AGBL3: variants seen among roughly 807,000 people sequenced by gnomAD.
The protein encoded by AGBL3 is cytosolic carboxypeptidase 3.
Under a neutral mutation model 94.5 loss-of-function variants are expected in AGBL3, and 68 were observed. The observed-to-expected ratio is 0.72, with a 90% confidence interval of 0.59 to 0.88. AGBL3 has a LOEUF of 0.88. AGBL3 is among the 40% of genes least tolerant of loss of function. The pLI is 0.00. For missense variants in AGBL3, 934 were observed against 1,103.8 expected (o/e 0.85, Z 2.18); for synonymous variants, 354 against 370.7 (o/e 0.95, Z 0.52).
At position 135,000,328 on chromosome 7, in the gene AGBL3, T is replaced by A. The variant is rs184698525; in HGVS notation, c.310+6650T>A. Among the ~76,000 whole-genome samples the A allele has an allele frequency of 2.0e-5, 3 of 152,312 alleles. No individual in the cohort carries two copies. In the South Asian group the frequency reaches 6.2e-4, roughly 32 times the overall value. On this transcript the variant is annotated intron_variant, in intron 4 of 16. Coordinates refer to ENST00000436302, the MANE Select transcript of AGBL3 (RefSeq NM_178563.4). ...TTTCTGGAATAGATTAGCATTTGAA[T>A]TGGTAGATTCAGTAAAGAAGATCCA...
At chr7:135,012,690 T>A (rs181235382) in intron 4 of AGBL3, among the ~76,000 whole-genome samples, 127 of 152,162 alleles carry the variant, frequency 8.3e-4, no homozygotes, top group Non-Finnish European at 1.2e-3. Context: ...CCAATGAGGG[T>A]AAGGAAAGTC....
chr7:135,075,071 T>C (rs1310498434), intron 12 of AGBL3, among the ~76,000 whole-genome samples: 1 of 152,150 alleles, frequency 6.6e-6, no homozygotes, highest in Non-Finnish European at 1.5e-5. Context: ...AGGGACCCTG[T>C]TTTCTGTTTC....
intron 12 of AGBL3, among the ~76,000 whole-genome samples, chr7:135,067,681 G>C (rs1046373251): frequency 6.6e-6 from 1 of 152,206 alleles, no homozygotes; most frequent in African/African-American, 2.4e-5. Flanking sequence ...TGAGGGTCCT[G>C]ACTGTTAGAA....
At chr7:135,065,669 A>G (rs946132472) in intron 12 of AGBL3, among the ~76,000 whole-genome samples, 1 of 152,212 alleles carries the variant, frequency 6.6e-6, no homozygotes, top group Non-Finnish European at 1.5e-5. Flanking sequence ...AGGCAGGAGA[A>G]TCACTTGAGC....
intron 12 of AGBL3, among the ~76,000 whole-genome samples, chr7:135,060,367 T>C (rs1303890727): frequency 2.6e-5 from 4 of 152,184 alleles, no homozygotes. Context: ...AATTAATATA[T>C]TCATTACCTC....
At chr7:135,023,799 C>A (rs1814779930) in intron 5 of AGBL3, among the ~76,000 whole-genome samples, 1 of 152,226 alleles carries the variant, frequency 6.6e-6, no homozygotes. Flanking sequence ...GCTGCTCCTG[C>A]AGGAGCATGT....
intron 4 of AGBL3, among the ~76,000 whole-genome samples, chr7:135,009,809 T>C (rs1302468332): frequency 6.6e-6 from 1 of 152,182 alleles, no homozygotes; most frequent in African/African-American, 2.4e-5. Flanking sequence ...TTTTAAAAGC[T>C]TTAGCTGTGC....
intron 15 of AGBL3, among the ~76,000 whole-genome samples, chr7:135,106,557 T>C (rs1824749127): frequency 6.6e-6 from 1 of 152,266 alleles, no homozygotes; most frequent in Admixed American, 6.5e-5. Context: ...ATCCCAGGAA[T>C]AAAGCCTACT....
intron 5 of AGBL3, among the ~76,000 whole-genome samples, chr7:135,020,672 A>G (rs975937240): frequency 6.6e-6 from 1 of 152,158 alleles, no homozygotes; most frequent in African/African-American, 2.4e-5. Context: ...ATGTCCATCA[A>G]TGATAGACTG....
intron 8 of AGBL3, among the ~76,000 whole-genome samples, chr7:135,043,388 C>G (rs760458401): frequency 6.6e-6 from 1 of 151,780 alleles, no homozygotes; most frequent in Non-Finnish European, 1.5e-5. Flanking sequence ...TTTGTGGGAG[C>G]TAAAAATTAA....
chr7:135,031,821 C>A (rs1815772766), intron 5 of AGBL3, among the ~76,000 whole-genome samples: 1 of 152,134 alleles, frequency 6.6e-6, no homozygotes, highest in South Asian at 2.1e-4. Flanking sequence ...TCTAATATAT[C>A]CCAGAAGTGT....
At chr7:135,010,543 T>A (rs1813017233) in intron 4 of AGBL3, 1 of 153,370 alleles carries the variant, frequency 6.5e-6, no homozygotes, top group Admixed American at 6.5e-5. Context: ...GGATTAAATA[T>A]TAGAAATAAA....
At chr7:135,130,232 C>G (rs77845976) in intron 16 of AGBL3, among the ~76,000 whole-genome samples, 7,744 of 152,298 alleles carry the variant, frequency 0.051, 264 homozygotes, top group Non-Finnish European at 0.08. Flanking sequence ...GCCCTTTACT[C>G]TGTAACTGAC....
intron 16 of AGBL3, among the ~76,000 whole-genome samples, chr7:135,124,422 G>A (rs926829113): frequency 6.6e-6 from 1 of 152,142 alleles, no homozygotes; most frequent in Admixed American, 6.5e-5. Context: ...CCCAAAAAGA[G>A]ACAGACTCCC....
intron 12 of AGBL3, among the ~76,000 whole-genome samples, chr7:135,073,167 G>A (rs1037732582): frequency 6.6e-6 from 1 of 151,864 alleles, no homozygotes; most frequent in Non-Finnish European, 1.5e-5. Flanking sequence ...GTTAGTCAAG[G>A]GTATAAACTT....
intron 4 of AGBL3, among the ~76,000 whole-genome samples, chr7:135,002,490 C>T (rs1468052682): frequency 3.9e-5 from 6 of 152,196 alleles, no homozygotes; most frequent in South Asian, 2.1e-4. Flanking sequence ...TTCAGTCCCC[C>T]GCCTCTCCAT....
chr7:135,072,372 C>T (rs200235591), intron 12 of AGBL3, among the ~76,000 whole-genome samples: 2 of 152,056 alleles, frequency 1.3e-5, no homozygotes, highest in African/African-American at 2.4e-5. Flanking sequence ...CTCAGGGATC[C>T]AGAACTAGAA....
At chr7:135,094,494 T>C (rs2116942279) in intron 15 of AGBL3, 1 of 456,672 alleles carries the variant, frequency 2.2e-6, no homozygotes, top group Middle Eastern at 3.3e-4. Context: ...CTGGTGGCCA[T>C]AGTCTTGTCT....
intron 5 of AGBL3, among the ~76,000 whole-genome samples, chr7:135,030,705 A>G (rs1180393782): frequency 2.0e-5 from 3 of 152,018 alleles, no homozygotes; most frequent in Non-Finnish European, 1.5e-5. Context: ...TTAGAATTAC[A>G]CATATGTTGG....
Sources: gnomAD v4.1 joint callset for allele counts (sites outside exome capture counted in the v4.1 genomes callset) on GRCh38, gnomAD v4.1.1 for gene constraint, MANE v1.5 for transcripts, NCBI Gene and HGNC (gene_info 2026-07-23, HGNC 2026-07-21) for gene names.